Variants in IL16 observed in about 807,000 individuals in gnomAD.
The protein encoded by IL16 is interleukin 16.
In IL16, 67 loss-of-function variants were observed where a neutral mutation model predicts 110.1. The ratio of observed to expected loss-of-function variants is 0.61; its 90% CI spans 0.50 to 0.75. The LOEUF is 0.75. IL16 is among the 30% of genes least tolerant of loss of function. The pLI, the probability that IL16 is intolerant of heterozygous loss-of-function variation, is 0.00. For missense variants in IL16, 1,545 were observed against 1,655.0 expected (o/e 0.93, Z 1.15); for synonymous variants, 689 against 662.9 (o/e 1.04, Z -0.61).
At chr15:81,203,444 T>C (rs1319176073) in intron 1 of IL16, among the ~76,000 whole-genome samples, 1 of 152,180 alleles carries the variant, frequency 6.6e-6, no homozygotes, top group African/African-American at 2.4e-5. Flanking sequence ...CCAGGGTTTT[T>C]ATGGTTTTAG....
In IL16 at chr15:81,304,465, G is replaced by A. The variant is rs533124333; in HGVS notation, c.3420+815G>A. 1.2e-4 allele frequency among the ~76,000 whole-genome samples: 18 copies of A among 152,282 alleles called. No individual in the cohort carries two copies. In the South Asian group the frequency reaches 3.1e-3, roughly 26 times the overall value. ...GACAACAGGAAACTAGGAGGAAGGC[G>A]CACATGTTGGCTGAGCACATGCACA... On this transcript the variant is annotated intron_variant, in intron 16 of 18. Transcript: ENST00000683961.
chr15:81,219,684 CT>C, intron 1 of IL16, among the ~76,000 whole-genome samples: 1 of 152,140 alleles, frequency 6.6e-6, no homozygotes, highest in Non-Finnish European at 1.5e-5. Context: ...TGGCTCTTGA[CT>C]TGTCTTCTGC....
At chr15:81,292,400 C>T in intron 11 of IL16, 156 bp from the exon 12 acceptor site, 1 of 1,116,496 alleles carries the variant, frequency 9.0e-7, no homozygotes, top group Non-Finnish European at 1.3e-6. Context: ...CAGGGACCAA[C>T]ACCAAGACTG....
chr15:81,271,331 G>T (rs187483656), intron 5 of IL16, among the ~76,000 whole-genome samples: 1 of 151,546 alleles, frequency 6.6e-6, no homozygotes, highest in Non-Finnish European at 1.5e-5. Context: ...TAATTAACCC[G>T]GTATGCTGGC....
chr15:81,291,815 G>A, intron 11 of IL16: 1 of 428,282 alleles, frequency 2.3e-6, no homozygotes, highest in Admixed American at 2.4e-5. Flanking sequence ...AAGAAATAGT[G>A]ACTTCTTCGT....
chr15:81,250,277 C>A (rs1038049051), intron 2 of IL16, among the ~76,000 whole-genome samples: 2 of 152,180 alleles, frequency 1.3e-5, no homozygotes, highest in African/African-American at 4.8e-5. Flanking sequence ...TCAAGTGATT[C>A]TCATGCCTCA....
chr15:81,293,438 C>T (rs986503960), intron 12 of IL16, among the ~76,000 whole-genome samples: 1 of 152,138 alleles, frequency 6.6e-6, no homozygotes, highest in East Asian at 1.9e-4. Flanking sequence ...CACGGTGGCT[C>T]ATGCCTGTAA....
At position 81,187,214 on chromosome 15, in the gene IL16, G is replaced by C. The variant is rs547524313; in HGVS notation, c.40+4318G>C. 2.0e-5 allele frequency among the ~76,000 whole-genome samples: 3 copies of C among 152,264 alleles called. No individual in the cohort carries two copies. In the South Asian group the frequency reaches 6.2e-4, roughly 32 times the overall value. Reference sequence around the variant, plus strand: ...TTCTTTCAGGTAAGATTTACATACAGTGAAATGTATGTATCTTAAGTGCAC... The same window carrying C: ...TTCTTTCAGGTAAGATTTACATACACTGAAATGTATGTATCTTAAGTGCAC... On this transcript the variant is annotated intron_variant, in intron 1 of 18. Coordinates refer to the IL16 transcript ENST00000302987.
intron 2 of IL16, among the ~76,000 whole-genome samples, chr15:81,255,522 A>C (rs1322007369): frequency 6.6e-6 from 1 of 152,166 alleles, no homozygotes; most frequent in African/African-American, 2.4e-5. Flanking sequence ...AAGGAAGGAG[A>C]AGGACTCATC....
chr15:81,236,698 G>A lies in IL16; in HGVS notation c.312+10987G>A, dbSNP rs565322319. Among the ~76,000 whole-genome samples, 4 of 152,318 alleles carry A rather than the reference G, an allele frequency of 2.6e-5. No individual in the cohort carries two copies. The South Asian group carries it at 8.3e-4, about 32-fold the overall frequency. On this transcript the variant is annotated intron_variant, in intron 2 of 18. Transcript: ENST00000683961. ...AGGCCGGGCGCGGTGGCTCATGCCT[G>A]TAATTACAATACTTTGGGAGGCTGA...
intron 2 of IL16, among the ~76,000 whole-genome samples, chr15:81,245,943 G>C (rs1170658668): frequency 6.6e-6 from 1 of 151,854 alleles, no homozygotes; most frequent in Admixed American, 6.6e-5. Flanking sequence ...TACTTACTGG[G>C]AGAAATAGGG....
intron 2 of IL16, among the ~76,000 whole-genome samples, chr15:81,242,832 G>T (rs1275142900): frequency 1.3e-5 from 2 of 151,736 alleles, no homozygotes; most frequent in Non-Finnish European, 2.9e-5. Context: ...ATTAATTATG[G>T]TTTTAGCCAC....
chr15:81,281,324 A>T (rs1364272661), intron 8 of IL16, among the ~76,000 whole-genome samples: 1 of 152,186 alleles, frequency 6.6e-6, no homozygotes, highest in South Asian at 2.1e-4. Context: ...TGCTCACTCC[A>T]TCTGGTCCTC....
In IL16 at chr15:81,225,530, C is replaced by T. The variant is rs760626201; in HGVS notation, c.131C>T (p.Pro44Leu). The T allele has an allele frequency of 6.2e-7, 1 of 1,614,102 alleles. No individual in the cohort carries two copies. The highest frequency in any genetic ancestry group is 8.5e-7 in the Non-Finnish European group (1 of 1,179,998). The change falls in exon 2 of 19, where the codon CCC becomes CTC. Residue 44 changes from proline (P) to leucine (L), a missense_variant. By Grantham distance (98) the Pro-to-Leu change is moderately conservative. Coordinates refer to ENST00000683961, the MANE Select transcript of IL16 (RefSeq NM_172217.5). Reference sequence around the variant, plus strand: ...AGCCCTGATGAGAAATATCCTGATCCCTTTGAGATTTCCTTGGCCCAGGGC... The same window carrying T: ...AGCCCTGATGAGAAATATCCTGATCTCTTTGAGATTTCCTTGGCCCAGGGC... ...GSSPDEKYPD[P>L]FEISLAQGKE...
At chr15:81,230,872 A>C (rs1896947827) in intron 2 of IL16, among the ~76,000 whole-genome samples, 1 of 152,062 alleles carries the variant, frequency 6.6e-6, no homozygotes, top group Non-Finnish European at 1.5e-5. Flanking sequence ...GTGGCGGACA[A>C]AGGTAGGATT....
At chr15:81,206,866 A>AATGATG (rs5814044) in intron 1 of IL16, among the ~76,000 whole-genome samples, 138 of 150,960 alleles carry the variant, frequency 9.1e-4, no homozygotes, top group African/African-American at 1.5e-3. Context: ...GGCTTTAAAT[A>AATGATG]ATGATGATGA....
Position 81,292,447 on chromosome 15 carries a change from C to T in IL16, c.1421-109C>T. The T allele has an allele frequency of 2.0e-6, 3 of 1,478,284 alleles. No homozygotes were observed. In the South Asian group the frequency reaches 3.4e-5, roughly 17 times the overall value. 91.6% of individuals were successfully genotyped at this position (1,478,284 alleles called of 1,614,324 possible). ...ATCCACAGTGACTTCAGATAAGAAG[C>T]AGATGGCCGATGTGCAGTGTGCTGC... On this transcript the variant is annotated intron_variant, in intron 11 of 18. Transcript: ENST00000683961.
At chr15:81,199,030 A>AATATATATATAT (rs60097662) in intron 1 of IL16, among the ~76,000 whole-genome samples, 7 of 104,200 alleles carry the variant, frequency 6.7e-5, no homozygotes, top group Admixed American at 1.9e-4. Flanking sequence ...AAAAAAAAAA[A>AATATATATATAT]ATATATATAT....
chr15:81,275,367 GAGGGGAGGGGA>G (rs1898860327), intron 6 of IL16, among the ~76,000 whole-genome samples: 7 of 46,650 alleles, frequency 1.5e-4, no homozygotes, highest in South Asian at 1.7e-3. Flanking sequence ...GGAGGGGGGG[GAGGGGAGGGGA>G]GGGGAGGGGA....
Sources: gnomAD v4.1 joint callset for allele counts (sites outside exome capture counted in the v4.1 genomes callset) on GRCh38, gnomAD v4.1.1 for gene constraint, MANE v1.5 for transcripts, NCBI Gene and HGNC (gene_info 2026-07-23, HGNC 2026-07-21) for gene names.